FBXL17: variants seen among roughly 807,000 people sequenced by gnomAD.
The protein encoded by FBXL17 is F-box/LRR-repeat protein 17.
FBXL17 carries 22 observed loss-of-function variants against 66.2 expected under a neutral mutation model. That is an observed-to-expected ratio of 0.33 (90% CI 0.24 to 0.47). FBXL17 has a LOEUF of 0.47. Ranked by LOEUF, FBXL17 falls within the 20% of genes least tolerant of loss-of-function variation. The pLI, the probability that FBXL17 is intolerant of heterozygous loss-of-function variation, is 1.00. For synonymous variants in FBXL17, 474 were observed against 400.5 expected (o/e 1.18, Z -2.19); for missense variants, 878 against 948.2 (o/e 0.93, Z 0.97).
At chr5:108,183,339 C>G (rs1205768180) in intron 6 of FBXL17, among the ~76,000 whole-genome samples, 1 of 151,972 alleles carries the variant, frequency 6.6e-6, no homozygotes, top group Non-Finnish European at 1.5e-5. Flanking sequence ...ACGCCTGGCC[C>G]AGTTTTCTAC....
chr5:107,901,883 G>A (rs2112533271), intron 7 of FBXL17, among the ~76,000 whole-genome samples: 1 of 152,290 alleles, frequency 6.6e-6, no homozygotes, highest in South Asian at 2.1e-4. Context: ...GTGGTAAACT[G>A]GAACCACATA....
intron 6 of FBXL17, among the ~76,000 whole-genome samples, chr5:108,065,049 A>G (rs1748066587): frequency 6.6e-6 from 1 of 152,296 alleles, no homozygotes; most frequent in Non-Finnish European, 1.5e-5. Context: ...TTCTATCCCT[A>G]GAAGCTCAGT....
intron 3 of FBXL17, among the ~76,000 whole-genome samples, chr5:108,363,153 G>C (rs1263271646): frequency 6.6e-6 from 1 of 152,018 alleles, no homozygotes; most frequent in Non-Finnish European, 1.5e-5. Flanking sequence ...AATTAATTTA[G>C]TGAGTGGGTC....
chr5:108,114,079 T>G (rs546294899), intron 6 of FBXL17, among the ~76,000 whole-genome samples: 1 of 152,204 alleles, frequency 6.6e-6, no homozygotes, highest in African/African-American at 2.4e-5. Context: ...CAGTCAACTA[T>G]TTGCATTACA....
intron 6 of FBXL17, among the ~76,000 whole-genome samples, chr5:108,142,129 C>CA (rs1041677892): frequency 2.0e-5 from 3 of 152,088 alleles, no homozygotes; most frequent in Non-Finnish European, 2.9e-5. Context: ...CATATATAAA[C>CA]AAAAAACACA....
chr5:108,182,877 T>C (rs1753062447), intron 6 of FBXL17, among the ~76,000 whole-genome samples: 1 of 152,260 alleles, frequency 6.6e-6, no homozygotes, highest in Non-Finnish European at 1.5e-5. Context: ...GATACAAACC[T>C]AAGCAAAATA....
intron 6 of FBXL17, among the ~76,000 whole-genome samples, chr5:108,160,906 C>T (rs187567511): frequency 1.3e-5 from 2 of 152,084 alleles, no homozygotes; most frequent in East Asian, 3.9e-4. Flanking sequence ...GGATTTATGG[C>T]TGAGGCTGTG....
At chr5:108,290,020 G>A (rs953242553) in intron 4 of FBXL17, among the ~76,000 whole-genome samples, 1 of 152,154 alleles carries the variant, frequency 6.6e-6, no homozygotes, top group African/African-American at 2.4e-5. Context: ...TTTCAGATAA[G>A]AGAAACCAAG....
intron 6 of FBXL17, among the ~76,000 whole-genome samples, chr5:108,028,223 G>A (rs1388740928): frequency 6.6e-6 from 1 of 152,050 alleles, no homozygotes; most frequent in Non-Finnish European, 1.5e-5. Flanking sequence ...CGAAACTGAT[G>A]CCCACCACAA....
At chr5:108,279,134 C>T (rs1279255892) in intron 4 of FBXL17, among the ~76,000 whole-genome samples, 1 of 152,130 alleles carries the variant, frequency 6.6e-6, no homozygotes, top group African/African-American at 2.4e-5. Context: ...ACTGTTACTG[C>T]CATCAACAAT....
chr5:108,308,210 G>A (rs1174053185), intron 4 of FBXL17, among the ~76,000 whole-genome samples: 1 of 151,962 alleles, frequency 6.6e-6, no homozygotes, highest in African/African-American at 2.4e-5. Context: ...TGTATTAATA[G>A]TAAAAATAAC....
chr5:107,926,523 G>A (rs1750530053), intron 7 of FBXL17, among the ~76,000 whole-genome samples: 1 of 151,434 alleles, frequency 6.6e-6, no homozygotes, highest in African/African-American at 2.4e-5. Flanking sequence ...TTCTGCCCTT[G>A]TGTATGGTGA....
At chr5:107,986,301 A>C (rs1753010087) in intron 7 of FBXL17, among the ~76,000 whole-genome samples, 1 of 151,952 alleles carries the variant, frequency 6.6e-6, no homozygotes, top group South Asian at 2.1e-4. Flanking sequence ...TAATAGACTT[A>C]TTTTGTTAGC....
At chr5:108,339,143 GA>G (rs924273117) in intron 4 of FBXL17, among the ~76,000 whole-genome samples, 2 of 152,052 alleles carry the variant, frequency 1.3e-5, no homozygotes, top group East Asian at 1.9e-4. Flanking sequence ...AAGAAAGAAA[GA>G]AAAAAAGCTA....
intron 7 of FBXL17, among the ~76,000 whole-genome samples, chr5:107,950,505 T>C (rs1751462032): frequency 6.6e-6 from 1 of 152,002 alleles, no homozygotes; most frequent in Admixed American, 6.6e-5. Flanking sequence ...AAATATGGGG[T>C]AGATAAATGA....
intron 8 of FBXL17, among the ~76,000 whole-genome samples, chr5:107,877,667 G>A (rs1748653817): frequency 6.6e-6 from 1 of 152,038 alleles, no homozygotes; most frequent in Admixed American, 6.6e-5. Context: ...CTCTAGTGCA[G>A]GGATCCTACT....
intron 7 of FBXL17, among the ~76,000 whole-genome samples, chr5:107,988,849 TAGAC>T (rs755748034): frequency 3.5e-4 from 53 of 152,186 alleles, no homozygotes; most frequent in South Asian, 1.0e-3. Flanking sequence ...AATTTTCTAA[TAGAC>T]AGTACTGAAA....
chr5:107,991,573 A>T (rs952307808), intron 7 of FBXL17, among the ~76,000 whole-genome samples: 31 of 152,298 alleles, frequency 2.0e-4, no homozygotes, highest in African/African-American at 7.2e-4. Context: ...GAGTGTCAGG[A>T]AGAAAGATTG....
At chr5:108,135,906 T>C (rs1011765784) in intron 6 of FBXL17, among the ~76,000 whole-genome samples, 1 of 152,068 alleles carries the variant, frequency 6.6e-6, no homozygotes, top group Non-Finnish European at 1.5e-5. Context: ...AAAATATTCA[T>C]CTCTTCCTCA....
Sources: gnomAD v4.1 joint callset for allele counts (sites outside exome capture counted in the v4.1 genomes callset) on GRCh38, gnomAD v4.1.1 for gene constraint, MANE v1.5 for transcripts, NCBI Gene and HGNC (gene_info 2026-07-23, HGNC 2026-07-21) for gene names.